TMEM175: variants seen among roughly 807,000 people sequenced by gnomAD.
TMEM175 encodes transmembrane protein 175.
Under a neutral mutation model 36.5 loss-of-function variants are expected in TMEM175, and 36 were observed. That is an observed-to-expected ratio of 0.99 (90% confidence interval 0.76 to 1.30). The LOEUF is 1.30. Ranked by LOEUF, TMEM175 falls within the 50% of genes most tolerant of loss-of-function variation. The pLI is 0.00. For missense variants in TMEM175, 705 were observed against 692.8 expected, an observed-to-expected ratio of 1.02 and a Z score of -0.20; for synonymous variants, 339 against 313.4, an observed-to-expected ratio of 1.08 and a Z score of -0.86.
chr4:952,018 G>C (rs1283191275), intron 6 of TMEM175: 1 of 584,130 alleles, frequency 1.7e-6, no homozygotes, highest in Non-Finnish European at 3.1e-6. Context: ...TACAGCCTCC[G>C]ACCACCCGCC....
chr4:944,410 G>A (rs932268616), intron 1 of TMEM175, among the ~76,000 whole-genome samples: 1 of 152,208 alleles, frequency 6.6e-6, no homozygotes, highest in Admixed American at 6.5e-5. Context: ...GGATAGAACA[G>A]TTTGCTGGAT....
In TMEM175 at chr4:943,940, G is replaced by A. The variant is rs138972147; in HGVS notation, c.-31-3769G>A. Among the ~76,000 whole-genome samples the A allele has an allele frequency of 4.6e-5, 7 of 152,226 alleles. No individual in the cohort carries two copies. The East Asian group carries it at 5.8e-4, about 13-fold the overall frequency. On this transcript the variant is annotated intron_variant, in intron 1 of 10. Transcript: ENST00000264771. ...ACTCCCAGCACCACAGATGAGTCTC[G>A]AAAGAAGCTAGACTCAAAACCTCTG...
At position 953,203 on chromosome 4, in the gene TMEM175, G is replaced by T; in HGVS notation, c.476G>T (p.Gly159Val). ...CTTTTCCCGCAGGCACTGATTGTGG[G>T]GTACGCATTCCACTTCCCGCACCTG... ...AIGVVQALIV[G>V]YAFHFPHLLS... The change falls in exon 8 of 11, where the codon GGG (glycine) becomes GTG (valine). Residue 159 changes from glycine (G) to valine (V), a missense_variant. Physicochemically the swap from Gly to Val is moderately radical, Grantham distance 109. Coordinates refer to ENST00000264771, the MANE Select transcript of TMEM175 (RefSeq NM_032326.4). The T allele has an allele frequency of 6.2e-7, 1 of 1,609,924 alleles. No individual in the cohort carries two copies.
chr4:941,583 C>T (rs561759468), intron 1 of TMEM175, among the ~76,000 whole-genome samples: 76 of 151,740 alleles, frequency 5.0e-4, no homozygotes, highest in Non-Finnish European at 7.2e-4. Context: ...GAATTACAGA[C>T]GCGTACCACC....
In TMEM175 at chr4:957,927, T is replaced by C. The variant is rs540625943; in HGVS notation, c.946T>C (p.Ser316Pro). 60 of 1,612,886 alleles carry C rather than the reference T, an allele frequency of 3.7e-5. No homozygotes were observed. In the South Asian group the frequency reaches 6.0e-4, roughly 16 times the overall value. ...GCCGCGCTTCCTGGCGTACTTCGGCTCCTTCGCCACAGTGGGACTGCTGTG... is the reference window on the plus strand; with the variant it reads ...GCCGCGCTTCCTGGCGTACTTCGGCCCCTTCGCCACAGTGGGACTGCTGTG... ...TGPRFLAYFG[S>P]FATVGLLWFA... Residue 316 changes from serine (S) to proline (P), a missense_variant, in exon 11 of 11, where the codon TCC becomes CCC. Coordinates refer to ENST00000264771, the MANE Select transcript of TMEM175 (RefSeq NM_032326.4).
At chr4:952,045 G>A (rs1309158824) in intron 6 of TMEM175, 4 of 583,192 alleles carry the variant, frequency 6.9e-6, no homozygotes, top group East Asian at 2.9e-5. Context: ...TACTCAGGCT[G>A]TGAAAGTGCC....
At chr4:933,611 C>G (rs1464864251) in intron 1 of TMEM175, among the ~76,000 whole-genome samples, 2 of 152,144 alleles carry the variant, frequency 1.3e-5, no homozygotes, top group Non-Finnish European at 2.9e-5. Context: ...AGAGTGGTCC[C>G]TTGAGGTAAG....
intron 1 of TMEM175, among the ~76,000 whole-genome samples, chr4:940,427 A>G (rs1727297510): frequency 7.3e-6 from 1 of 137,902 alleles, no homozygotes; most frequent in South Asian, 2.4e-4. Context: ...CAGCCTGGGC[A>G]GCAAGAGTGA....
At chr4:948,289 G>T in intron 3 of TMEM175, 135 bp downstream of exon 3, 2 of 1,570,816 alleles carry the variant, frequency 1.3e-6, no homozygotes, top group South Asian at 2.3e-5. Context: ...CGGGAGGCGG[G>T]GGCCTCCTTG....
At chr4:954,567 G>A (rs1321295711) in intron 8 of TMEM175, among the ~76,000 whole-genome samples, 1 of 152,226 alleles carries the variant, frequency 6.6e-6, no homozygotes, top group Non-Finnish European at 1.5e-5. Context: ...TGGAGCCACT[G>A]TGGGCATTGC....
Position 953,251 on chromosome 4 carries a change from C to T in TMEM175, c.524C>T (p.Ser175Phe). The T allele has an allele frequency of 6.2e-7, 1 of 1,613,986 alleles. No homozygotes were observed. The highest frequency in any genetic ancestry group is 8.5e-7 in the Non-Finnish European group (1 of 1,179,928). ...CTGCTGAGCCCGCAGATCCAGCGCT[C>T]TGCCCACAGGGCTCTGTACCGACGA... is the stretch of plus-strand genomic sequence containing the variant. ...PHLLSPQIQR[S>F]AHRALYRRHV... The change falls in exon 8 of 11, where the codon TCT becomes TTT. Residue 175 changes from serine to phenylalanine, a missense_variant. By Grantham distance (155) the Ser-to-Phe change is radical (BLOSUM62 -2). Coordinates refer to ENST00000264771, the MANE Select transcript of TMEM175 (RefSeq NM_032326.4).
In TMEM175 at chr4:953,141, G is replaced by T. The variant is rs755099593; in HGVS notation, c.463-49G>T. Reference sequence around the variant, plus strand: ...AGCCCGGGGGTTGACTGCTGTGGGGGCCCCCTCTGCTCTTGGGGCCTGTGT... The same window carrying T: ...AGCCCGGGGGTTGACTGCTGTGGGGTCCCCCTCTGCTCTTGGGGCCTGTGT... On this transcript the variant is annotated intron_variant, in intron 7 of 10. Transcript: ENST00000264771. The T allele has an allele frequency of 1.2e-5, 19 of 1,539,628 alleles. 1 individual carries two copies. In the South Asian group the frequency reaches 2.1e-4, roughly 17 times the overall value.
chr4:942,899 C>G (rs1254915146), intron 1 of TMEM175, among the ~76,000 whole-genome samples: 1 of 152,110 alleles, frequency 6.6e-6, no homozygotes, highest in Non-Finnish European at 1.5e-5. Flanking sequence ...CTCTGCCTCC[C>G]AAAATGCTGG....
At position 947,701 on chromosome 4, in the gene TMEM175, C is replaced by T; in HGVS notation, c.-31-8C>T. The T allele has an allele frequency of 6.4e-7, 1 of 1,568,888 alleles. No individual in the cohort carries two copies. The highest frequency in any genetic ancestry group is 8.6e-7 in the Non-Finnish European group (1 of 1,156,916). ...CACAGGCACACTCAGACCTGCCTTT[C>T]CTCCCAGGCTCCTGTAACCGCCAGG... On this transcript the variant is annotated splice_polypyrimidine_tract_variant and splice_region_variant and intron_variant, in intron 1 of 10. Transcript: ENST00000264771.
chr4:949,685 G>A lies in TMEM175; in HGVS notation c.193-736G>A, dbSNP rs1048341993. Among the ~76,000 whole-genome samples the A allele has an allele frequency of 7.2e-5, 11 of 152,180 alleles. No homozygotes were observed. In the South Asian group the frequency reaches 8.3e-4, roughly 11 times the overall value. On this transcript the variant is annotated intron_variant, in intron 3 of 10. Coordinates refer to ENST00000264771, the MANE Select transcript of TMEM175 (RefSeq NM_032326.4). ...GCTCAGTGTTCTGTTGGGAGCGTTC[G>A]TGGAGAAAGCATGAAAACCTTCCCA...
chr4:951,336 G>T, intron 5 of TMEM175, 78 bp downstream of exon 5: 2 of 1,536,418 alleles, frequency 1.3e-6, no homozygotes, highest in Admixed American at 3.3e-5. Context: ...GAAGGGAGCA[G>T]CCGGCCTCTC....
Sources: allele counts gnomAD v4.1 joint callset (sites outside exome capture counted in the v4.1 genomes callset), GRCh38; gene constraint gnomAD v4.1.1; transcripts MANE v1.5; gene names NCBI Gene and HGNC (gene_info 2026-07-23, HGNC 2026-07-21).